PTPN14: variants seen among roughly 807,000 people sequenced by gnomAD.
PTPN14 encodes protein tyrosine phosphatase non-receptor type 14, also known as tyrosine-protein phosphatase non-receptor type 14.
In PTPN14, 53 loss-of-function variants were observed where a neutral mutation model predicts 126.8. That is an observed-to-expected ratio of 0.42 (90% CI 0.34 to 0.53). PTPN14 has a LOEUF of 0.53. Ranked by LOEUF, PTPN14 falls within the 20% of genes least tolerant of loss-of-function variation. The probability of loss-of-function intolerance (pLI) is 0.08; values close to 1 mark genes in which losing one functional copy is unlikely to be tolerated. For synonymous variants in PTPN14, 630 were observed against 599.3 expected, an observed-to-expected ratio of 1.05 and a Z score of -0.75; for missense variants, 1,257 against 1,552.9, an observed-to-expected ratio of 0.81 and a Z score of 3.20.
At chr1:214,493,735 G>C (rs1426171495) in intron 1 of PTPN14, among the ~76,000 whole-genome samples, 1 of 152,050 alleles carries the variant, frequency 6.6e-6, no homozygotes, top group African/African-American at 2.4e-5. Context: ...CACTTTATAT[G>C]CAAGACTCGT....
intron 3 of PTPN14, among the ~76,000 whole-genome samples, chr1:214,431,011 A>T (rs1450846630): frequency 6.6e-6 from 1 of 152,232 alleles, no homozygotes; most frequent in African/African-American, 2.4e-5. Flanking sequence ...AAGGCAAAGG[A>T]GGCTTCTAAG....
At chr1:214,532,701 G>A in intron 1 of PTPN14, 1 of 796,300 alleles carries the variant, frequency 1.3e-6, no homozygotes, top group Non-Finnish European at 2.2e-6. Context: ...CAGACTCTCA[G>A]GCGCCAGTCT....
rs1658047397 is a variant in PTPN14, at chr1:214,364,967, T to A, written c.3272-292A>T. Among the ~76,000 whole-genome samples, 1 of 152,060 alleles carries A rather than the reference T, an allele frequency of 6.6e-6. No individual in the cohort carries two copies. Among genetic ancestry groups the A allele is most frequent in the South Asian group, 2.1e-4 (1 of 4,822 alleles). ...TACTTTTTTAAAAATTAAATTCTGT[T>A]TTCCCCTCTGCAAATCCCTAAGTCC... On this transcript the variant is annotated intron_variant, in intron 17 of 18. Coordinates refer to ENST00000366956, the MANE Select transcript of PTPN14 (RefSeq NM_005401.5). The surrounding 1 kb of genome is among the most constrained non-coding windows in gnomAD (Gnocchi z 4.1).
At chr1:214,443,843 C>A (rs188539230) in intron 3 of PTPN14, among the ~76,000 whole-genome samples, 1 of 152,278 alleles carries the variant, frequency 6.6e-6, no homozygotes, top group Non-Finnish European at 1.5e-5. Context: ...TGGGTTTCAC[C>A]AAAGCAGTGG....
chr1:214,528,286 AAT>A (rs1259116180), intron 1 of PTPN14: 1 of 152,238 alleles, frequency 6.6e-6, no homozygotes, highest in East Asian at 1.9e-4. Context: ...CAAAGACGTT[AAT>A]GGTATTTTAT....
At chr1:214,425,413 C>A (rs1005782795) in intron 3 of PTPN14, among the ~76,000 whole-genome samples, 1 of 152,112 alleles carries the variant, frequency 6.6e-6, no homozygotes, top group Non-Finnish European at 1.5e-5. Flanking sequence ...TAACTCATTC[C>A]GCCCTCTGTG....
chr1:214,352,793 G>A lies in PTPN14; in HGVS notation c.*5129C>T, dbSNP rs1263223750. 6.6e-6 allele frequency: 1 copy of A among 152,180 alleles called. No homozygotes were observed. Among genetic ancestry groups the A allele is most frequent in the Non-Finnish European group, 1.5e-5 (1 of 68,034 alleles). 9.4% of individuals were successfully genotyped at this position (152,180 alleles called of 1,614,324 possible). On this transcript the variant is annotated 3_prime_UTR_variant, in exon 19 of 19. Transcript: ENST00000366956. ...TGGAAACCATGCTGGATGAGCTGTT[G>A]CTCTGCTCATGAAAAGAAATCACTA...
intron 17 of PTPN14, among the ~76,000 whole-genome samples, chr1:214,368,373 G>A (rs1333804705): frequency 6.6e-6 from 1 of 151,914 alleles, no homozygotes; most frequent in Non-Finnish European, 1.5e-5. Flanking sequence ...GGCTAATTTT[G>A]TATTTTTAGT....
intron 13 of PTPN14, among the ~76,000 whole-genome samples, chr1:214,381,878 A>C (rs561265549): frequency 1.2e-4 from 18 of 152,312 alleles, no homozygotes; most frequent in African/African-American, 4.1e-4. Context: ...AAAGGAGTGA[A>C]AATGTTCATG....
intron 3 of PTPN14, among the ~76,000 whole-genome samples, chr1:214,435,806 T>G (rs1659901217): frequency 6.6e-6 from 1 of 152,220 alleles, no homozygotes; most frequent in African/African-American, 2.4e-5. Flanking sequence ...TTAGTCATGG[T>G]AAATCAGCCA....
chr1:214,362,514 C>T (rs1257372543), intron 18 of PTPN14, among the ~76,000 whole-genome samples: 1 of 152,230 alleles, frequency 6.6e-6, no homozygotes, highest in Non-Finnish European at 1.5e-5. Context: ...CCAAACTGTT[C>T]CGGATTTGAT....
intron 5 of PTPN14, among the ~76,000 whole-genome samples, chr1:214,407,356 G>A (rs181994536): frequency 0.017 from 2,553 of 152,104 alleles, 74 homozygotes; most frequent in African/African-American, 0.059. Flanking sequence ...GAAACCCCCC[G>A]TCTCTACTAA....
At chr1:214,542,728 T>G (rs767661806) in intron 1 of PTPN14, among the ~76,000 whole-genome samples, 2 of 152,122 alleles carry the variant, frequency 1.3e-5, no homozygotes, top group Non-Finnish European at 2.9e-5. Context: ...CAGCACAACA[T>G]TAGGTGGAAA....
At chr1:214,542,223 A>C (rs972167971) in intron 1 of PTPN14, among the ~76,000 whole-genome samples, 4 of 152,200 alleles carry the variant, frequency 2.6e-5, no homozygotes, top group Non-Finnish European at 4.4e-5. Context: ...GAAAATGTGT[A>C]TGTGTGTGCC....
chr1:214,433,941 CACACACACACAAAAAAAAA>C (rs1558100251), intron 3 of PTPN14, among the ~76,000 whole-genome samples: 1 of 17,694 alleles, frequency 5.7e-5, no homozygotes, highest in African/African-American at 5.7e-4. Flanking sequence ...CACACACACA[CACACACACACAAAAAAAAA>C]AAAAAAAAAA....
At position 214,385,275 on chromosome 1, in the gene PTPN14, A is replaced by C. The variant is rs375906869; in HGVS notation, c.1067-487T>G. Among the ~76,000 whole-genome samples, 170 of 152,306 alleles carry C rather than the reference A, an allele frequency of 1.1e-3. 5 individuals carry two copies. In the South Asian group the frequency reaches 0.032, roughly 28 times the overall value. ...CCCTTCACCCAGGGGACTGCAGGGC[A>C]TTCTAAAGACACAAAACAAATGATG... On this transcript the variant is annotated intron_variant, in intron 12 of 18. Transcript: ENST00000366956.
In PTPN14 at chr1:214,450,900, G is replaced by A. The variant is rs114552865; in HGVS notation, c.344+905C>T. Reference sequence around the variant, plus strand: ...AAACATCATTTCAAAGGCAGCACACGGTTTCTCCAAGCTAAAGCAGACACT... The same window carrying A: ...AAACATCATTTCAAAGGCAGCACACAGTTTCTCCAAGCTAAAGCAGACACT... On this transcript the variant is annotated intron_variant, in intron 3 of 18. Transcript: ENST00000366956. 1.2e-3 allele frequency among the ~76,000 whole-genome samples: 177 copies of A among 152,244 alleles called. 1 individual carries two copies. Among genetic ancestry groups the A allele is most frequent in the African/African-American group, 3.9e-3 (163 of 41,544 alleles).
chr1:214,408,577 G>A (rs904096048), intron 5 of PTPN14, among the ~76,000 whole-genome samples: 1 of 151,064 alleles, frequency 6.6e-6, no homozygotes, highest in Non-Finnish European at 1.5e-5. Flanking sequence ...AAGAAGACAG[G>A]GTCCCTGTTT....
intron 1 of PTPN14, among the ~76,000 whole-genome samples, chr1:214,539,481 A>G (rs1655786098): frequency 6.6e-6 from 1 of 152,210 alleles, no homozygotes; most frequent in African/African-American, 2.4e-5. Context: ...CCATGGAAAT[A>G]GGTGGTCTTT....
Sources: allele counts gnomAD v4.1 joint callset (sites outside exome capture counted in the v4.1 genomes callset), GRCh38; gene constraint gnomAD v4.1.1; non-coding constraint Gnocchi (gnomAD v3.1); transcripts MANE v1.5; gene names NCBI Gene and HGNC (gene_info 2026-07-23, HGNC 2026-07-21).